PYGM: variants seen among roughly 807,000 people sequenced by gnomAD.
PYGM encodes glycogen phosphorylase, muscle form.
PYGM carries 81 observed loss-of-function variants against 99.3 expected under a neutral mutation model. The ratio of observed to expected loss-of-function variants is 0.82; its 90% CI spans 0.68 to 0.98. The LOEUF (loss-of-function observed/expected upper bound fraction) is 0.98. Among genes scored for constraint, PYGM ranks in the 50% least tolerant of loss-of-function variants. The pLI, the probability that PYGM is intolerant of heterozygous loss-of-function variation, is 0.00. For missense variants in PYGM, 1,030 were observed against 1,158.1 expected, an observed-to-expected ratio of 0.89 and a Z score of 1.61; for synonymous variants, 436 against 451.5, an observed-to-expected ratio of 0.97 and a Z score of 0.44.
Position 64,754,334 on chromosome 11 carries a change from C to G in PYGM, c.1011G>C (p.Gln337His). ...FDAFPDKVAI[Q>H]LNDTHPSLAI... ...CCAGGGAGGGGTGGGTGTCATTGAG[C>G]TGGATGGCCACCTGGGGTAGGGGGA... The change falls in exon 9 of 20, where the codon CAG becomes CAC. Residue 337 changes from glutamine (Q) to histidine (H), a missense_variant. Transcript: ENST00000164139. The surrounding 1 kb of genome is among the most constrained non-coding windows in gnomAD (Gnocchi z 5.5). 6.2e-7 allele frequency: 1 copy of G among 1,612,682 alleles called. No individual in the cohort carries two copies.
rs912148748 is a variant in PYGM at position 64,753,817 on chromosome 11, C to T, written c.1239+62G>A. On this transcript the variant is annotated intron_variant, in intron 10 of 19. Transcript: ENST00000164139. ...AGGGCCCTGGCTGGACGCCCCGACT[C>T]CCAGGCCCAGACTGGGTGTCCCCCC... 3 of 1,548,088 alleles carry T rather than the reference C, an allele frequency of 1.9e-6. No individual in the cohort carries two copies. In the African/African-American group the frequency reaches 4.1e-5, roughly 21 times the overall value.
At chr11:64,756,300 G>A (rs967250175) in intron 5 of PYGM, among the ~76,000 whole-genome samples, 1 of 152,176 alleles carries the variant, frequency 6.6e-6, no homozygotes, top group Non-Finnish European at 1.5e-5. Flanking sequence ...ACGTGCACCT[G>A]GCATGGACTG....
At position 64,751,671 on chromosome 11, in the gene PYGM, A is replaced by G. The variant is rs559274876; in HGVS notation, c.1769-16T>C. ...CTCTTGATGCCTGTGGAGAAACGAGAGGGATCCAGTGGGCCTACCTTTCCC... is the reference window on the plus strand; with the variant it reads ...CTCTTGATGCCTGTGGAGAAACGAGGGGGATCCAGTGGGCCTACCTTTCCC... On this transcript the variant is annotated splice_polypyrimidine_tract_variant and intron_variant, in intron 14 of 19. Coordinates refer to ENST00000164139, the MANE Select transcript of PYGM (RefSeq NM_005609.4). The G allele has an allele frequency of 3.7e-6, 6 of 1,613,890 alleles. 1 individual carries two copies. In the Admixed American group the frequency reaches 1.0e-4, roughly 27 times the overall value.
At chr11:64,749,422 C>CACGA (rs1192205610) in intron 17 of PYGM, among the ~76,000 whole-genome samples, 3 of 151,812 alleles carry the variant, frequency 2.0e-5, no homozygotes, top group Non-Finnish European at 4.4e-5. Flanking sequence ...GCAGGCAGAT[C>CACGA]ACGAGGTCAG....
rs1592405679 is a variant in PYGM at position 64,747,304 on chromosome 11, C to T, written c.2232G>A (p.Glu744=). The stretch of plus-strand genomic sequence containing the variant: ...GGGAGAAGAAGCCACTGCTCAGCTG[C>T]TCAATGACCTGCCGAAGCTCAGGAA... The part of the protein sequence containing the change: ...DRIPELRQVI[E]QLSSGFFSPK... The change falls in exon 18 of 20, where the codon GAG becomes GAA. Residue 744 remains glutamate, a synonymous_variant. Transcript: ENST00000164139. The T allele has an allele frequency of 1.2e-6, 2 of 1,614,236 alleles. No homozygotes were observed. The highest frequency in any genetic ancestry group is 1.1e-5 in the South Asian group (1 of 91,082).
rs759432160 is a variant in PYGM at position 64,752,087 on chromosome 11, G to C, written c.1621-16C>G. On this transcript the variant is annotated splice_polypyrimidine_tract_variant and intron_variant, in intron 13 of 19. Coordinates refer to ENST00000164139, the MANE Select transcript of PYGM (RefSeq NM_005609.4). ...ACTTGTTTTCCTGGAGGCAGAGACG[G>C]GGAAGGGCTCACCAACAGGCCACAG... 35 of 1,613,872 alleles carry C rather than the reference G, an allele frequency of 2.2e-5. No homozygotes were observed. In the South Asian group the frequency reaches 3.7e-4, roughly 17 times the overall value.
At chr11:64,756,753 T>G (rs192130898) in intron 5 of PYGM, among the ~76,000 whole-genome samples, 78 of 152,206 alleles carry the variant, frequency 5.1e-4, no homozygotes, top group Admixed American at 2.6e-3. Flanking sequence ...ACGCCCGGCC[T>G]AAACTGGGAT....
At chr11:64,753,256 C>T (rs2058369285) in intron 11 of PYGM, 69 bp from the exon 12 acceptor site, 2 of 1,450,054 alleles carry the variant, frequency 1.4e-6, no homozygotes, top group Admixed American at 3.3e-5. Flanking sequence ...CCTGGGGCCC[C>T]TACCCTGGTG....
chr11:64,748,195 T>A (rs551188627), intron 17 of PYGM: 27 of 152,718 alleles, frequency 1.8e-4, no homozygotes, highest in Non-Finnish European at 2.8e-4. Context: ...TCTAGTCCCT[T>A]GTGCGACTCT....
At position 64,754,611 on chromosome 11, in the gene PYGM, A is replaced by C. The variant is rs897373146; in HGVS notation, c.999+82T>G. 9 of 1,545,180 alleles carry C rather than the reference A, an allele frequency of 5.8e-6. No homozygotes were observed. In the African/African-American group the frequency reaches 1.1e-4, roughly 19 times the overall value. On this transcript the variant is annotated intron_variant, in intron 8 of 19. Coordinates refer to ENST00000164139, the MANE Select transcript of PYGM (RefSeq NM_005609.4). This position sits in a 1 kb window ranked among gnomAD's most constrained non-coding sequence, Gnocchi z 5.5. ...CAGTCTCCACTCCCTTATCTATTAC[A>C]TGGGGCAGGCAGGCCGAGGCTGGAG...
chr11:64,752,426 G>T lies in PYGM; in HGVS notation c.1597C>A (p.Arg533=). Residue 533 remains arginine (R), a synonymous_variant, in exon 13 of 20, where the codon CGG becomes AGG. Transcript: ENST00000164139. ...ACCTGCTTCACTTTGGCCACATCCC[G>T]AATGAAAGCTTCATCATCCACAAAG... ...LSFVDDEAFI[R]DVAKVKQENK... is the part of the protein sequence containing the mutation. The T allele has an allele frequency of 6.2e-7, 1 of 1,614,176 alleles. No individual in the cohort carries two copies. The highest frequency in any genetic ancestry group is 8.5e-7 in the Non-Finnish European group (1 of 1,179,992).
Position 64,754,181 on chromosome 11 carries a change from C to T in PYGM, c.1092+72G>A. ...TCCCTTCACTCCATTCATATCCTCC[C>T]ACGCTCCCAAACTGGGAAGGGAACC... On this transcript the variant is annotated intron_variant, in intron 9 of 19. Coordinates refer to ENST00000164139, the MANE Select transcript of PYGM (RefSeq NM_005609.4). This position sits in a 1 kb window ranked among gnomAD's most constrained non-coding sequence, Gnocchi z 5.5. 1.9e-6 allele frequency: 3 copies of T among 1,580,602 alleles called. No individual in the cohort carries two copies. The highest frequency in any genetic ancestry group is 2.2e-5 in the East Asian group (1 of 44,676).
chr11:64,754,519 G>A lies in PYGM; in HGVS notation c.999+174C>T. On this transcript the variant is annotated intron_variant, in intron 8 of 19. Coordinates refer to ENST00000164139, the MANE Select transcript of PYGM (RefSeq NM_005609.4). This position sits in a 1 kb window ranked among gnomAD's most constrained non-coding sequence, Gnocchi z 5.5. ...AGGAATGGGGGGAGTGGGGCGGGAG[G>A]AGGAGGGAAGCCCAGGTTCTGAGCC... 11 of 1,004,408 alleles carry A rather than the reference G, an allele frequency of 1.1e-5. No individual in the cohort carries two copies. Among genetic ancestry groups the A allele is most frequent in the South Asian group, 4.6e-5 (3 of 65,932 alleles). The allele number at this position is 1,004,408 out of a possible 1,614,324, so 62.2% of individuals were successfully genotyped here. A position where few individuals can be genotyped will look rare whatever the true frequency, so the allele number is the denominator to read the frequency against.
In PYGM at chr11:64,759,815, C is replaced by T. The variant is rs752615989; in HGVS notation, c.84G>A (p.Leu28=). 8.7e-6 allele frequency: 14 copies of T among 1,614,092 alleles called. No homozygotes were observed. In the East Asian group the frequency reaches 3.1e-4, roughly 36 times the overall value. The change falls in exon 1 of 20, where the codon CTG becomes CTA. Residue 28 remains leucine (L), a synonymous_variant. Transcript: ENST00000164139. ...GLAGVENVTE[L]KKNFNRHLHF... is the part of the protein sequence containing the mutation. ...GCAGGTGCCGGTTGAAGTTCTTTTTCAGCTCAGTCACGTTCTCCACGCCGG... is the reference window on the plus strand; with the variant it reads ...GCAGGTGCCGGTTGAAGTTCTTTTTTAGCTCAGTCACGTTCTCCACGCCGG...
Position 64,751,467 on chromosome 11 carries a change from C to T in PYGM, c.1828-1G>A, listed in dbSNP as rs1394587447. 2 of 1,614,136 alleles carry T rather than the reference C, an allele frequency of 1.2e-6. No homozygotes were observed. Among genetic ancestry groups the T allele is most frequent in the South Asian group, 2.2e-5 (2 of 91,078 alleles). ...TGGCCATGTGGTACCCAGGTGCAGC[C>T]TGAGGGGACAAAGTCTGGGGTCAGC... On this transcript the variant is annotated splice_acceptor_variant, in intron 15 of 19. Transcript: ENST00000164139. LOFTEE classifies it high-confidence loss of function.
rs890170878 is a variant in PYGM, at chr11:64,755,704, C to A, written c.661-146G>T. 3.0e-6 allele frequency: 2 copies of A among 671,514 alleles called. No individual in the cohort carries two copies. The highest frequency in any genetic ancestry group is 3.5e-5 in the South Asian group (2 of 56,364). 41.6% of individuals were successfully genotyped at this position (671,514 alleles called of 1,614,324 possible). ...CATCGATGAGCTGGGTAACCATGAGCAAACCCCATAGTCTCTCTGGACCGC... is the reference window on the plus strand; with the variant it reads ...CATCGATGAGCTGGGTAACCATGAGAAAACCCCATAGTCTCTCTGGACCGC... On this transcript the variant is annotated intron_variant, in intron 5 of 19. Coordinates refer to ENST00000164139, the MANE Select transcript of PYGM (RefSeq NM_005609.4). This position sits in a 1 kb window ranked among gnomAD's most constrained non-coding sequence, Gnocchi z 4.1.
At chr11:64,751,736 C>T (rs755584685) in intron 14 of PYGM, 81 bp from the exon 15 acceptor site, 58 of 1,567,012 alleles carry the variant, frequency 3.7e-5, no homozygotes, top group Admixed American at 2.7e-4. Flanking sequence ...GCTGGGACAC[C>T]GTAGGCCTGA....
Position 64,751,664 on chromosome 11 carries a change from A to T in PYGM, c.1769-9T>A, listed in dbSNP as rs1022322449. On this transcript the variant is annotated splice_polypyrimidine_tract_variant and intron_variant, in intron 14 of 19. Coordinates refer to ENST00000164139, the MANE Select transcript of PYGM (RefSeq NM_005609.4). ...GGGCTCCCTCTTGATGCCTGTGGAG[A>T]AACGAGAGGGATCCAGTGGGCCTAC... The T allele has an allele frequency of 6.2e-7, 1 of 1,613,930 alleles. No individual in the cohort carries two copies. The highest frequency in any genetic ancestry group is 8.5e-7 in the Non-Finnish European group (1 of 1,179,870).
intron 16 of PYGM, 80 bp downstream of exon 16, chr11:64,751,245 C>T: frequency 6.3e-7 from 1 of 1,584,234 alleles, no homozygotes; most frequent in Non-Finnish European, 8.6e-7. Flanking sequence ...GTACAAGTAT[C>T]CCAGGAAGAG....
Sources: allele counts gnomAD v4.1 joint callset (sites outside exome capture counted in the v4.1 genomes callset), GRCh38; gene constraint gnomAD v4.1.1; non-coding constraint Gnocchi (gnomAD v3.1); transcripts MANE v1.5; gene names NCBI Gene and HGNC (gene_info 2026-07-23, HGNC 2026-07-21).